The following IL1RAPL1 variants were observed in gnomAD, a reference collection of about 807,000 sequenced individuals.
The protein encoded by IL1RAPL1 is interleukin 1 receptor accessory protein like 1, also known as interleukin-1 receptor accessory protein-like 1.
Under a neutral mutation model 48.4 loss-of-function variants are expected in IL1RAPL1, and 3 were observed. The observed-to-expected ratio is 0.06, with a 90% confidence interval of 0.03 to 0.16. IL1RAPL1 has a LOEUF of 0.16. Among genes scored for constraint, IL1RAPL1 ranks in the 10% least tolerant of loss-of-function variants. IL1RAPL1 has a pLI of 1.00. For synonymous variants in IL1RAPL1, 185 were observed against 187.7 expected (o/e 0.99, Z 0.12); for missense variants, 349 against 530.6 (o/e 0.66, Z 3.36).
At chrX:29,862,159 C>CAA (rs767446668) in intron 6 of IL1RAPL1, among the ~76,000 whole-genome samples, 3,532 of 74,906 alleles carry the variant, frequency 0.047, 200 homozygotes, top group African/African-American at 0.15. Context: ...GACCCTGTCT[C>CAA]AAAAAAAAAA....
At chrX:28,987,651 T>C (rs1251113985) in intron 2 of IL1RAPL1, among the ~76,000 whole-genome samples, 1 of 111,892 alleles carries the variant, frequency 8.9e-6, no homozygotes, top group East Asian at 2.8e-4. Flanking sequence ...CCTATCCTCA[T>C]TGGCGACCTA....
intron 5 of IL1RAPL1, among the ~76,000 whole-genome samples, chrX:29,619,872 G>GA (rs910353453): frequency 2.7e-5 from 3 of 111,218 alleles, no homozygotes; most frequent in African/African-American, 9.8e-5. Flanking sequence ...GCTTCCACAG[G>GA]AAAAAAGGCT....
intron 5 of IL1RAPL1, among the ~76,000 whole-genome samples, chrX:29,585,939 A>C (rs1243612940): frequency 9.0e-6 from 1 of 111,560 alleles, no homozygotes; most frequent in Non-Finnish European, 1.9e-5. Context: ...TTGGAGATTA[A>C]CTCTTTATCA....
At chrX:28,684,061 C>G (rs1313756270) in intron 1 of IL1RAPL1, among the ~76,000 whole-genome samples, 1 of 112,280 alleles carries the variant, frequency 8.9e-6, no homozygotes, top group Admixed American at 9.4e-5. Flanking sequence ...TTCTGTTTAC[C>G]ATAGCTTGAC....
intron 9 of IL1RAPL1, among the ~76,000 whole-genome samples, chrX:29,953,260 T>C (rs903746151): frequency 5.4e-5 from 6 of 112,063 alleles, no homozygotes; most frequent in African/African-American, 1.6e-4. Context: ...AAGACATTGA[T>C]ATTGGTAGAC....
intron 6 of IL1RAPL1, among the ~76,000 whole-genome samples, chrX:29,700,523 T>C (rs1380955764): frequency 8.9e-6 from 1 of 112,034 alleles, no homozygotes; most frequent in Non-Finnish European, 1.9e-5. Context: ...TCATGAAATG[T>C]CAGAATCTTT....
At chrX:29,548,725 C>T (rs917077765) in intron 5 of IL1RAPL1, among the ~76,000 whole-genome samples, 1 of 111,310 alleles carries the variant, frequency 9.0e-6, no homozygotes, top group Non-Finnish European at 1.9e-5. Flanking sequence ...AATTCACTTT[C>T]GTTATTTTAA....
At chrX:28,615,280 A>T (rs1313335466) in intron 1 of IL1RAPL1, among the ~76,000 whole-genome samples, 11 of 93,439 alleles carry the variant, frequency 1.2e-4, no homozygotes, top group African/African-American at 4.5e-4. Context: ...TATTAATATT[A>T]AGAGAGATCA....
At chrX:29,449,776 C>CAGAGAGAGAG (rs773898620) in intron 5 of IL1RAPL1, among the ~76,000 whole-genome samples, 4 of 44,959 alleles carry the variant, frequency 8.9e-5, no homozygotes, top group African/African-American at 4.4e-4. Context: ...CACACACACA[C>CAGAGAGAGAG]ACACAGAGAG....
chrX:29,437,007 G>A (rs1414786349), intron 5 of IL1RAPL1, among the ~76,000 whole-genome samples: 2 of 110,425 alleles, frequency 1.8e-5, no homozygotes, highest in Non-Finnish European at 3.8e-5. Flanking sequence ...ATATTTCACA[G>A]TGACATTTTA....
At chrX:29,651,876 C>G (rs1039030364) in intron 5 of IL1RAPL1, among the ~76,000 whole-genome samples, 1 of 111,378 alleles carries the variant, frequency 9.0e-6, no homozygotes. Flanking sequence ...TCATGTTGTA[C>G]ATGATAGATA....
intron 6 of IL1RAPL1, among the ~76,000 whole-genome samples, chrX:29,752,840 T>G (rs967483813): frequency 6.2e-5 from 7 of 112,151 alleles, no homozygotes; most frequent in Non-Finnish European, 1.3e-4. Flanking sequence ...TTATCCTATG[T>G]AAGTAAAAGA....
At chrX:29,117,874 C>T (rs958582206) in intron 2 of IL1RAPL1, among the ~76,000 whole-genome samples, 3 of 111,303 alleles carry the variant, frequency 2.7e-5, no homozygotes, top group Non-Finnish European at 5.7e-5. Context: ...TTTAAAGTCC[C>T]CAAAGCAGTT....
chrX:28,932,063 T>A (rs920170633), intron 2 of IL1RAPL1, among the ~76,000 whole-genome samples: 1 of 109,196 alleles, frequency 9.2e-6, no homozygotes, highest in Non-Finnish European at 1.9e-5. Context: ...AAAAAATAAA[T>A]AAATAAATAA....
intron 5 of IL1RAPL1, among the ~76,000 whole-genome samples, chrX:29,568,132 A>G (rs1275313333): frequency 1.0e-5 from 1 of 96,940 alleles, no homozygotes; most frequent in Non-Finnish European, 2.0e-5. Context: ...AAGATCAAGA[A>G]TAACAGATTA....
In IL1RAPL1 at chrX:29,469,221, C is replaced by T. The variant is rs938567683; in HGVS notation, c.703+69913C>T. Among the ~76,000 whole-genome samples, 4 of 112,187 alleles carry T rather than the reference C, an allele frequency of 3.6e-5. No individual in the cohort carries two copies. The East Asian group carries it at 1.1e-3, about 32-fold the overall frequency. On this transcript the variant is annotated intron_variant, in intron 5 of 10. Transcript: ENST00000378993. ...CATTTCATATTTATATTCTGCTTAA[C>T]AATATGATGGTACACCTTAGCAGTT... is the stretch of plus-strand genomic sequence containing the variant.
chrX:29,451,774 TTTTG>T (rs1240429355), intron 5 of IL1RAPL1, among the ~76,000 whole-genome samples: 1 of 111,993 alleles, frequency 8.9e-6, no homozygotes. Flanking sequence ...CGGTTCTCAT[TTTTG>T]TTTGTCATTC....
chrX:29,675,862 T>G (rs1260149620), intron 6 of IL1RAPL1, among the ~76,000 whole-genome samples: 2 of 112,575 alleles, frequency 1.8e-5, no homozygotes, highest in Non-Finnish European at 3.8e-5. Context: ...GTGCTGGGAT[T>G]ACAGGCGTGA....
At chrX:29,683,313 A>G (rs1187616770) in intron 6 of IL1RAPL1, among the ~76,000 whole-genome samples, 3 of 111,913 alleles carry the variant, frequency 2.7e-5, no homozygotes, top group Non-Finnish European at 3.8e-5. Context: ...TAACCTCTGG[A>G]TGTTCCTTGT....
Sources: allele counts gnomAD v4.1 joint callset (sites outside exome capture counted in the v4.1 genomes callset), GRCh38; gene constraint gnomAD v4.1.1; transcripts MANE v1.5; gene names NCBI Gene and HGNC (gene_info 2026-07-23, HGNC 2026-07-21).